The following ARMH3 variants were observed in gnomAD, a reference collection of about 807,000 sequenced individuals.
ARMH3 encodes the protein armadillo-like helical domain-containing protein 3.
A neutral mutation model predicts 99.1 loss-of-function variants in ARMH3; 60 were observed. The observed-to-expected ratio is 0.61, with a 90% CI of 0.49 to 0.75. The LOEUF (loss-of-function observed/expected upper bound fraction) is 0.75, where lower values mean the gene tolerates loss of function less well. ARMH3 is among the 30% of genes least tolerant of loss of function. The probability of loss-of-function intolerance (pLI) is 0.00; values close to 1 mark genes in which losing one functional copy is unlikely to be tolerated. For missense variants in ARMH3, 679 were observed against 843.1 expected, an observed-to-expected ratio of 0.81 and a Z score of 2.41; for synonymous variants, 285 against 292.8, an observed-to-expected ratio of 0.97 and a Z score of 0.27.
At chr10:101,894,151 GT>G (rs890190560) in intron 23 of ARMH3, among the ~76,000 whole-genome samples, 79 of 152,068 alleles carry the variant, frequency 5.2e-4, no homozygotes, top group African/African-American at 1.8e-3. Flanking sequence ...TCGGCCTTAT[GT>G]TTTTTTTGCT....
At chr10:102,048,815 T>C (rs894896984) in intron 1 of ARMH3, among the ~76,000 whole-genome samples, 1 of 152,146 alleles carries the variant, frequency 6.6e-6, no homozygotes, top group Non-Finnish European at 1.5e-5. Context: ...ATTCCCTAGT[T>C]TCTCTAGATA....
chr10:102,036,993 A>G (rs1198849597), intron 2 of ARMH3, among the ~76,000 whole-genome samples: 1 of 151,668 alleles, frequency 6.6e-6, no homozygotes, highest in African/African-American at 2.4e-5. Context: ...TGGAGGCTGT[A>G]GTGAGCCGAG....
chr10:102,043,650 C>T (rs2067473492), intron 1 of ARMH3, among the ~76,000 whole-genome samples: 1 of 152,142 alleles, frequency 6.6e-6, no homozygotes. Context: ...ATCCTTCTGG[C>T]AAAGAAGCAA....
rs774282916 is a variant in ARMH3 at position 102,040,037 on chromosome 10, C to T, written c.78G>A (p.Val26=). 1 of 1,614,024 alleles carries T rather than the reference C, an allele frequency of 6.2e-7. No individual in the cohort carries two copies. Among genetic ancestry groups the T allele is most frequent in the African/African-American group, 1.3e-5 (1 of 74,934 alleles). Residue 26 remains valine, a synonymous_variant, in exon 2 of 26, where the codon GTG becomes GTA. Coordinates refer to ENST00000370033, the MANE Select transcript of ARMH3 (RefSeq NM_024541.3). The part of the protein sequence containing the change: ...ASKKPLKEKV[V]LMYDEIFMTE... ...CCATGAAGATCTCATCATACATCAG[C>T]ACCACTTTTTCCTTCAGTGGTTTTT...
At chr10:102,049,582 CTTTT>C (rs528823071) in intron 1 of ARMH3, among the ~76,000 whole-genome samples, 2 of 137,350 alleles carry the variant, frequency 1.5e-5, no homozygotes, top group East Asian at 4.3e-4. Flanking sequence ...GGGCCTGCAA[CTTTT>C]TTTTTTTTTT....
intron 20 of ARMH3, 78 bp from the exon 21 acceptor site, chr10:101,957,810 TA>T (rs917172561): frequency 3.8e-5 from 56 of 1,484,374 alleles, no homozygotes; most frequent in Middle Eastern, 2.4e-4. Flanking sequence ...AGACTAGCTC[TA>T]AAAAAAATCC....
chr10:102,021,292 C>A (rs1370094889), intron 8 of ARMH3, among the ~76,000 whole-genome samples: 2 of 151,814 alleles, frequency 1.3e-5, no homozygotes, highest in East Asian at 3.9e-4. Flanking sequence ...GTTGGCCAGG[C>A]TGGTCTCGAA....
chr10:102,010,214 T>C (rs893179996), intron 11 of ARMH3, among the ~76,000 whole-genome samples, 191 bp from the exon 12 acceptor site: 1 of 152,146 alleles, frequency 6.6e-6, no homozygotes, highest in Non-Finnish European at 1.5e-5. Context: ...AAGTAATAAA[T>C]GAAATAATGA....
rs954603781 is a variant in ARMH3, at chr10:102,010,770, G to A, written c.832-747C>T. On this transcript the variant is annotated intron_variant, in intron 11 of 25. Transcript: ENST00000370033. ...TGAAAGGCAGAGATATCTGGGAGCA[G>A]TATAATTGTATCTAATTCATTTCAT... Among the ~76,000 whole-genome samples the A allele has an allele frequency of 7.2e-5, 11 of 152,310 alleles. No individual in the cohort carries two copies. In the East Asian group the frequency reaches 2.1e-3, roughly 29 times the overall value.
At position 101,908,666 on chromosome 10, in the gene ARMH3, T is replaced by TA. The variant is rs1306964524; in HGVS notation, c.1782-19177_1782-19176insT. The stretch of plus-strand genomic sequence containing the variant: ...ACCACTGTGGGTTTTTTCTTTTTCT[T>TA]TTTTTTTTTTTTTTGAGACAGAGTT... On this transcript the variant is annotated intron_variant, in intron 23 of 25. Coordinates refer to ENST00000370033, the MANE Select transcript of ARMH3 (RefSeq NM_024541.3). 2.1e-5 allele frequency among the ~76,000 whole-genome samples: 3 copies of TA among 144,156 alleles called. No individual in the cohort carries two copies. In the East Asian group the frequency reaches 5.8e-4, roughly 28 times the overall value. 94.6% of individuals were successfully genotyped at this position (144,156 alleles called of 152,430 possible).
chr10:101,946,071 CAAAAAAAAAAAAAAAAAA>C (rs569179050), intron 22 of ARMH3, among the ~76,000 whole-genome samples: 2 of 34,486 alleles, frequency 5.8e-5, no homozygotes, highest in South Asian at 1.6e-3. Context: ...GACTCTGCCT[CAAAAAAAAAAAAAAAAAA>C]AAAAAAAAAA....
At chr10:102,028,358 G>C (rs1240465522) in intron 5 of ARMH3, among the ~76,000 whole-genome samples, 2 of 151,956 alleles carry the variant, frequency 1.3e-5, no homozygotes, top group Admixed American at 1.3e-4. Flanking sequence ...AGACCAGCTG[G>C]GTCAACATAG....
At chr10:102,035,881 G>A (rs1357938861) in intron 2 of ARMH3, among the ~76,000 whole-genome samples, 1 of 151,990 alleles carries the variant, frequency 6.6e-6, no homozygotes, top group East Asian at 1.9e-4. Context: ...TGGGATGTGA[G>A]GAGCCCCTCT....
At chr10:101,988,594 T>C (rs1490515063) in intron 19 of ARMH3, among the ~76,000 whole-genome samples, 1 of 152,152 alleles carries the variant, frequency 6.6e-6, no homozygotes, top group Non-Finnish European at 1.5e-5. Flanking sequence ...ATTTCAGACC[T>C]ACGAAAGCAA....
chr10:102,026,033 T>C (rs1483359274), intron 5 of ARMH3, among the ~76,000 whole-genome samples: 1 of 152,164 alleles, frequency 6.6e-6, no homozygotes, highest in East Asian at 1.9e-4. Context: ...AGGCTATCAC[T>C]AGCCATATAA....
At chr10:101,880,988 T>C (rs187065959) in intron 24 of ARMH3, among the ~76,000 whole-genome samples, 2 of 152,336 alleles carry the variant, frequency 1.3e-5, no homozygotes, top group African/African-American at 4.8e-5. Flanking sequence ...TTAGCAAGAT[T>C]ACCAATAGAT....
chr10:101,847,679 G>A (rs138985199), intron 25 of ARMH3, 59 bp from the exon 26 acceptor site: 5 of 1,505,552 alleles, frequency 3.3e-6, no homozygotes, highest in Non-Finnish European at 4.6e-6. Flanking sequence ...ACAGGAGAGA[G>A]TCAGTTCTAA....
In ARMH3 at chr10:101,990,544, T is replaced by C; in HGVS notation, c.1406+7A>G. On this transcript the variant is annotated splice_region_variant and intron_variant, in intron 19 of 25. Coordinates refer to ENST00000370033, the MANE Select transcript of ARMH3 (RefSeq NM_024541.3). ...TACACATTAAATGTGTACATATTTG[T>C]ACTTACATATAGAGATCCATAGGAA... 1 of 1,548,296 alleles carries C rather than the reference T, an allele frequency of 6.5e-7. No homozygotes were observed. The highest frequency in any genetic ancestry group is 1.1e-5 in the South Asian group (1 of 89,194).
Position 101,950,415 on chromosome 10 carries a change from A to ACCTTTTGTTTT in ARMH3, c.1705+6181_1705+6182insAAAACAAAAGG, listed in dbSNP as rs1220233975. On this transcript the variant is annotated intron_variant, in intron 22 of 25. Coordinates refer to ENST00000370033, the MANE Select transcript of ARMH3 (RefSeq NM_024541.3). ...GTTCCTCAAAAGGTTATAAACACAA[A>ACCTTTTGTTTT]GTTATCATATGACCCAGCAATTCTG... Among the ~76,000 whole-genome samples, 3 of 152,228 alleles carry ACCTTTTGTTTT rather than the reference A, an allele frequency of 2.0e-5. No individual in the cohort carries two copies. In the East Asian group the frequency reaches 5.8e-4, roughly 29 times the overall value.
Sources: allele counts gnomAD v4.1 joint callset (sites outside exome capture counted in the v4.1 genomes callset), GRCh38; gene constraint gnomAD v4.1.1; transcripts MANE v1.5; gene names NCBI Gene and HGNC (gene_info 2026-07-23, HGNC 2026-07-21).